CSF1R: variants seen among roughly 807,000 people sequenced by gnomAD.
CSF1R encodes the protein macrophage colony-stimulating factor 1 receptor.
A neutral mutation model predicts 110.0 loss-of-function variants in CSF1R; 40 were observed. The observed-to-expected ratio is 0.36, with a 90% CI of 0.28 to 0.47. The LOEUF (loss-of-function observed/expected upper bound fraction) is 0.47, where lower values mean the gene tolerates loss of function less well. CSF1R is among the 20% of genes least tolerant of loss of function. The probability of loss-of-function intolerance (pLI) is 0.99; values close to 1 mark genes in which losing one functional copy is unlikely to be tolerated. For synonymous variants in CSF1R, 523 were observed against 503.4 expected (o/e 1.04, Z -0.52); for missense variants, 1,052 against 1,253.0 (o/e 0.84, Z 2.42).
intron 1 of CSF1R, among the ~76,000 whole-genome samples, chr5:150,101,857 C>T (rs900682460): frequency 2.0e-5 from 3 of 152,062 alleles, no homozygotes; most frequent in Non-Finnish European, 2.9e-5. Context: ...ATCCATCTGT[C>T]CACCCATCCA....
intron 3 of CSF1R, among the ~76,000 whole-genome samples, chr5:150,079,547 T>C (rs933182): frequency 0.037 from 5,605 of 152,268 alleles, 330 homozygotes; most frequent in African/African-American, 0.12. Flanking sequence ...TGCCCAGCAC[T>C]TGGCCTTAGG....
At chr5:150,089,059 A>C (rs1352662229), upstream of CSF1R, among the ~76,000 whole-genome samples, 1 of 152,236 alleles carries the variant, frequency 6.6e-6, no homozygotes, top group African/African-American at 2.4e-5. Context: ...ACAAACTAGC[A>C]ATAAAAGGGA....
intron 16 of CSF1R, 108 bp from the exon 17 acceptor site, chr5:150,056,449 G>A: frequency 1.4e-6 from 2 of 1,419,542 alleles, no homozygotes; most frequent in South Asian, 2.6e-5. Context: ...CTGCTGGAGT[G>A]AACAACAGTT....
intron 1 of CSF1R, among the ~76,000 whole-genome samples, chr5:150,096,374 G>C (rs1406489230): frequency 1.3e-5 from 2 of 152,094 alleles, no homozygotes; most frequent in Middle Eastern, 3.2e-3. Context: ...TGGGCAACAA[G>C]ACTGAAACTC....
intron 1 of CSF1R, among the ~76,000 whole-genome samples, chr5:150,106,294 G>C (rs1157392550): frequency 1.3e-5 from 2 of 152,172 alleles, no homozygotes; most frequent in African/African-American, 4.8e-5. Context: ...AGGAAACTCT[G>C]AAGAAATGTG....
intron 6 of CSF1R, among the ~76,000 whole-genome samples, chr5:150,071,310 C>T (rs887452231): frequency 8.5e-5 from 13 of 152,164 alleles, no homozygotes; most frequent in Non-Finnish European, 1.3e-4. Flanking sequence ...CTCTATTTTA[C>T]AATTTGTCCA....
At chr5:150,065,349 C>G (rs1282050852) in intron 10 of CSF1R, among the ~76,000 whole-genome samples, 3 of 152,204 alleles carry the variant, frequency 2.0e-5, no homozygotes, top group Non-Finnish European at 1.5e-5. Context: ...TTTCCAGCAG[C>G]CTCCCTGGAC....
upstream of CSF1R, among the ~76,000 whole-genome samples, chr5:150,088,173 T>G (rs1338188364): frequency 1.3e-5 from 2 of 152,178 alleles, no homozygotes; most frequent in Non-Finnish European, 2.9e-5. Flanking sequence ...ATGTACTTTC[T>G]TTTTCAGAAA....
At chr5:150,058,606 T>C (rs1215958840) in intron 14 of CSF1R, among the ~76,000 whole-genome samples, 1 of 152,224 alleles carries the variant, frequency 6.6e-6, no homozygotes, top group Non-Finnish European at 1.5e-5. Flanking sequence ...CCTTTGGTGC[T>C]CATTTTGATC....
intron 1 of CSF1R, among the ~76,000 whole-genome samples, 199 bp from the exon 2 acceptor site, chr5:150,081,223 G>A (rs900680877): frequency 6.6e-6 from 1 of 152,098 alleles, no homozygotes; most frequent in Non-Finnish European, 1.5e-5. Flanking sequence ...TGTCTCTGAT[G>A]TCCAGGAGGT....
chr5:150,082,242 C>A (rs1758583413), intron 1 of CSF1R, among the ~76,000 whole-genome samples: 1 of 152,210 alleles, frequency 6.6e-6, no homozygotes, highest in Non-Finnish European at 1.5e-5. Context: ...GACAGGCCAG[C>A]CCCGAGGGCT....
chr5:150,092,120 T>A (rs1219274514), intron 1 of CSF1R, among the ~76,000 whole-genome samples: 1 of 152,254 alleles, frequency 6.6e-6, no homozygotes, highest in Non-Finnish European at 1.5e-5. Flanking sequence ...ACTGCTTAAT[T>A]CTGCCATTGC....
intron 13 of CSF1R, among the ~76,000 whole-genome samples, chr5:150,060,480 C>T (rs1451837696): frequency 6.6e-6 from 1 of 152,092 alleles, no homozygotes; most frequent in Non-Finnish European, 1.5e-5. Context: ...CCCAGCAAAG[C>T]CCGGGGCACC....
chr5:150,069,870 C>A lies in CSF1R; in HGVS notation c.1510+3G>T. On this transcript the variant is annotated splice_donor_region_variant and intron_variant, in intron 9 of 20. Coordinates refer to ENST00000675795, the MANE Select transcript of CSF1R (RefSeq NM_001288705.3). ...CGGTGCGGGTGCGAAGGCTCCCTCT[C>A]ACCTGCAGAGATGGGTATGAAGGCC... 6.2e-7 allele frequency: 1 copy of A among 1,605,826 alleles called. No individual in the cohort carries two copies. Among genetic ancestry groups the A allele is most frequent in the South Asian group, 1.1e-5 (1 of 90,336 alleles).
rs775511069 is a variant in CSF1R, at chr5:150,057,335, G to A, written c.2271C>T (p.His757=). Reference sequence around the variant, plus strand: ...TGCCCTGGGCTACTTGGCTGGAGAAGTGAAGCAGGTCCCGGAGCTCCAGGG... The same window carrying A: ...TGCCCTGGGCTACTTGGCTGGAGAAATGAAGCAGGTCCCGGAGCTCCAGGG... ...GRPLELRDLL[H]FSSQVAQGMA... Residue 757 remains histidine (H), a synonymous_variant, in exon 16 of 21, where the codon CAC becomes CAT. Coordinates refer to ENST00000675795, the MANE Select transcript of CSF1R (RefSeq NM_001288705.3). 2 of 1,613,960 alleles carry A rather than the reference G, an allele frequency of 1.2e-6. No individual in the cohort carries two copies. The highest frequency in any genetic ancestry group is 2.2e-5 in the South Asian group (2 of 91,068).
At position 150,069,963 on chromosome 5, in the gene CSF1R, C is replaced by T. The variant is rs191994354; in HGVS notation, c.1420G>A (p.Val474Ile). ...GTTTGGTTGTGCTCTAAGGTCTCAA[C>T]AGTCAGCAGGCTCTGCACCGTCACC... Reference protein sequence around the residue: ...HKVTVQSLLTVETLEHNQTYE... With the variant: ...HKVTVQSLLTIETLEHNQTYE... Residue 474 changes from valine (V) to isoleucine (I), a missense_variant, in exon 9 of 21, where the codon GTT becomes ATT. Transcript: ENST00000675795. The T allele has an allele frequency of 3.1e-4, 501 of 1,614,164 alleles. No homozygotes were observed. Among genetic ancestry groups the T allele is most frequent in the Admixed American group, 3.8e-4 (23 of 60,030 alleles).
intron 5 of CSF1R, among the ~76,000 whole-genome samples, chr5:150,075,312 A>C (rs1758214466): frequency 6.6e-6 from 1 of 152,090 alleles, no homozygotes; most frequent in African/African-American, 2.4e-5. Context: ...TAGTCCACCC[A>C]CCATCAGCTC....
In CSF1R at chr5:150,070,437, G is replaced by C; in HGVS notation, c.1198+19C>G. ...TCCCAGGGCCTCCGCCCCAGGTGGC[G>C]CTCGGCCCCAGCACTCACATCGAAG... is the stretch of plus-strand genomic sequence containing the variant. On this transcript the variant is annotated intron_variant, in intron 7 of 20. Transcript: ENST00000675795. 6.5e-7 allele frequency: 1 copy of C among 1,550,208 alleles called. No homozygotes were observed.
chr5:150,060,796 G>T, intron 13 of CSF1R, 66 bp downstream of exon 13: 2 of 1,020,272 alleles, frequency 2.0e-6, no homozygotes, highest in Non-Finnish European at 3.0e-6. Flanking sequence ...GAACAAGGTA[G>T]CCCTGGGGCC....
Sources: allele counts gnomAD v4.1 joint callset (sites outside exome capture counted in the v4.1 genomes callset), GRCh38; gene constraint gnomAD v4.1.1; transcripts MANE v1.5; gene names NCBI Gene and HGNC (gene_info 2026-07-23, HGNC 2026-07-21).